PTPRN2: variants seen among roughly 807,000 people sequenced by gnomAD.
PTPRN2 encodes protein tyrosine phosphatase receptor type N2, also known as receptor-type tyrosine-protein phosphatase N2.
A neutral mutation model predicts 118.8 loss-of-function variants in PTPRN2; 74 were observed. The ratio of observed to expected loss-of-function variants is 0.62; its 90% CI spans 0.52 to 0.76. The LOEUF is 0.76. Ranked by LOEUF, PTPRN2 falls within the 30% of genes least tolerant of loss-of-function variation. The pLI is 0.00. For synonymous variants in PTPRN2, 641 were observed against 608.0 expected, an observed-to-expected ratio of 1.05 and a Z score of -0.80; for missense variants, 1,481 against 1,394.4, an observed-to-expected ratio of 1.06 and a Z score of -0.99.
At chr7:157,750,093 T>C (rs774450673) in intron 12 of PTPRN2, among the ~76,000 whole-genome samples, 3 of 152,058 alleles carry the variant, frequency 2.0e-5, no homozygotes, top group Non-Finnish European at 2.9e-5. Flanking sequence ...TTGTGGCCCT[T>C]CTGCTTGGCA....
chr7:157,842,660 A>C (rs1015864152), intron 12 of PTPRN2, among the ~76,000 whole-genome samples: 1 of 151,968 alleles, frequency 6.6e-6, no homozygotes, highest in East Asian at 1.9e-4. Context: ...TGATTCGCCC[A>C]CCTCAGCCTC....
rs1298164528 is a variant in PTPRN2 at position 158,525,906 on chromosome 7, C to T, written c.113-36121G>A. On this transcript the variant is annotated intron_variant, in intron 1 of 22. Coordinates refer to ENST00000389418, the MANE Select transcript of PTPRN2 (RefSeq NM_002847.5). The surrounding 1 kb of genome is among the most constrained non-coding windows in gnomAD (Gnocchi z 4.1). The stretch of plus-strand genomic sequence containing the variant: ...ACAGACCTCAGACCTGTCCCAGAGC[C>T]CTGACAGGAAGACCCAAGCTCTCCT... Among the ~76,000 whole-genome samples, 1 of 152,182 alleles carries T rather than the reference C, an allele frequency of 6.6e-6. No individual in the cohort carries two copies. The highest frequency in any genetic ancestry group is 1.5e-5 in the Non-Finnish European group (1 of 68,044).
At chr7:157,752,383 G>A (rs980770220) in intron 12 of PTPRN2, among the ~76,000 whole-genome samples, 8 of 152,240 alleles carry the variant, frequency 5.3e-5, no homozygotes, top group Admixed American at 3.9e-4. Context: ...GCTTCAGGAT[G>A]GGTCTGCAGC....
intron 12 of PTPRN2, among the ~76,000 whole-genome samples, chr7:157,709,215 C>A (rs1246898998): frequency 6.6e-6 from 1 of 152,216 alleles, no homozygotes; most frequent in Non-Finnish European, 1.5e-5. Flanking sequence ...TGACTCCCAT[C>A]AGGGGAGATG....
intron 2 of PTPRN2, among the ~76,000 whole-genome samples, chr7:158,456,640 C>G (rs1041377747): frequency 6.6e-6 from 1 of 152,298 alleles, no homozygotes; most frequent in Non-Finnish European, 1.5e-5. Context: ...ACCCATCACT[C>G]TGCAGTGGCT....
chr7:157,597,784 G>C (rs760680346), intron 16 of PTPRN2, among the ~76,000 whole-genome samples: 4 of 152,132 alleles, frequency 2.6e-5, no homozygotes, highest in Non-Finnish European at 5.9e-5. Context: ...AGTGGGGACC[G>C]GCCTCACCTC....
At chr7:158,027,399 G>C (rs55909530) in intron 11 of PTPRN2, 9,337 of 152,358 alleles carry the variant, frequency 0.061, 326 homozygotes, top group Admixed American at 0.092. Context: ...GATGTGGATT[G>C]ACGTGGCTCT....
In PTPRN2 at chr7:158,309,648, CA is replaced by C. The variant is rs1379452013; in HGVS notation, c.277+7170del. Reference sequence around the variant, plus strand: ...TTATAAATACGGACATAAAAATTCTCAACGAAACACTAAGATACTAAATCCA... The same window carrying C: ...TTATAAATACGGACATAAAAATTCTCACGAAACACTAAGATACTAAATCCA... On this transcript the variant is annotated intron_variant, in intron 3 of 22. Transcript: ENST00000389418. Among the ~76,000 whole-genome samples the C allele has an allele frequency of 2.6e-5, 4 of 152,192 alleles. No individual in the cohort carries two copies. In the East Asian group the frequency reaches 7.7e-4, roughly 29 times the overall value.
intron 12 of PTPRN2, among the ~76,000 whole-genome samples, chr7:157,757,854 C>T (rs1801888185): frequency 6.6e-6 from 1 of 152,186 alleles, no homozygotes; most frequent in African/African-American, 2.4e-5. Flanking sequence ...AACCTGGGGC[C>T]CCGCGAATGA....
intron 13 of PTPRN2, among the ~76,000 whole-genome samples, chr7:157,681,895 G>A (rs535158890): frequency 1.7e-4 from 26 of 152,332 alleles, no homozygotes; most frequent in African/African-American, 4.8e-4. Context: ...CACATGTACT[G>A]ACCAAACTTT....
At chr7:157,928,214 A>G (rs1466385726) in intron 11 of PTPRN2, among the ~76,000 whole-genome samples, 1 of 152,188 alleles carries the variant, frequency 6.6e-6, no homozygotes, top group Non-Finnish European at 1.5e-5. Flanking sequence ...ATAGGCAGAT[A>G]CAGGACCCGA....
At chr7:158,381,036 G>A (rs905108664) in intron 2 of PTPRN2, among the ~76,000 whole-genome samples, 1 of 152,232 alleles carries the variant, frequency 6.6e-6, no homozygotes, top group African/African-American at 2.4e-5. Context: ...GGGACCCTGG[G>A]CCCAACCCAC....
intron 21 of PTPRN2, among the ~76,000 whole-genome samples, chr7:157,559,431 G>T (rs1157718154): frequency 6.6e-6 from 1 of 152,208 alleles, no homozygotes; most frequent in African/African-American, 2.4e-5. Flanking sequence ...CACTGGCGGG[G>T]GCTGGACGAG....
intron 1 of PTPRN2, among the ~76,000 whole-genome samples, chr7:158,581,337 A>G (rs1229310553): frequency 6.6e-6 from 1 of 152,166 alleles, no homozygotes; most frequent in Non-Finnish European, 1.5e-5. Flanking sequence ...ATGTCAGTGA[A>G]CATGGAAGGC....
At chr7:158,403,305 C>T (rs565792896) in intron 2 of PTPRN2, among the ~76,000 whole-genome samples, 30 of 152,294 alleles carry the variant, frequency 2.0e-4, no homozygotes, top group African/African-American at 6.5e-4. Flanking sequence ...CAGGCCCTGC[C>T]GTACTGATGT....
chr7:158,052,863 C>G (rs1288914878), intron 11 of PTPRN2, among the ~76,000 whole-genome samples: 1 of 152,196 alleles, frequency 6.6e-6, no homozygotes, highest in Non-Finnish European at 1.5e-5. Flanking sequence ...CGAGGCCAGG[C>G]TCCACCCAGG....
intron 12 of PTPRN2, among the ~76,000 whole-genome samples, chr7:157,884,018 A>G (rs1796320756): frequency 6.6e-6 from 1 of 151,548 alleles, no homozygotes; most frequent in African/African-American, 2.4e-5. Flanking sequence ...ATCAGAACAC[A>G]CTACCCCAAA....
chr7:157,700,382 G>A (rs1003875926), intron 12 of PTPRN2, among the ~76,000 whole-genome samples: 3 of 152,184 alleles, frequency 2.0e-5, no homozygotes, highest in Non-Finnish European at 4.4e-5. Context: ...GTCCAAGCAC[G>A]TTCGCAACAG....
chr7:158,493,732 C>T (rs528144621), intron 1 of PTPRN2, among the ~76,000 whole-genome samples: 2 of 83,004 alleles, frequency 2.4e-5, no homozygotes, highest in East Asian at 4.0e-4. Flanking sequence ...GACACGTACA[C>T]GTATGCACAC....
Sources: allele counts gnomAD v4.1 joint callset (sites outside exome capture counted in the v4.1 genomes callset), GRCh38; gene constraint gnomAD v4.1.1; non-coding constraint Gnocchi (gnomAD v3.1); transcripts MANE v1.5; gene names NCBI Gene and HGNC (gene_info 2026-07-23, HGNC 2026-07-21).